The following EIF2D variants were observed in gnomAD, a reference collection of about 807,000 sequenced individuals.
EIF2D encodes the protein hepatocellular carcinoma-associated antigen 56.
Under a neutral mutation model 77.4 loss-of-function variants are expected in EIF2D, and 56 were observed. That is an observed-to-expected ratio of 0.72 (90% CI 0.58 to 0.90). The LOEUF is 0.90. Ranked by LOEUF, EIF2D falls within the 40% of genes least tolerant of loss-of-function variation. EIF2D has a pLI of 0.00. For missense variants in EIF2D, 574 were observed against 706.5 expected (o/e 0.81, Z 2.13); for synonymous variants, 230 against 271.0 (o/e 0.85, Z 1.49).
chr1:206,573,361 A>C (rs1668519725), intron 4 of EIF2D, among the ~76,000 whole-genome samples: 1 of 152,214 alleles, frequency 6.6e-6, no homozygotes, highest in Non-Finnish European at 1.5e-5. Context: ...TGTAGTGAGT[A>C]ATAGGAGTCA....
rs1668979427 is a variant in EIF2D at position 206,583,515 on chromosome 1, G to C, written c.139-2353C>G. The stretch of plus-strand genomic sequence containing the variant: ...TTTCCTCCGGCCTCCAGAGGCCTCC[G>C]GGGTCTGGAAGGCTGATAGCCAGAG... On this transcript the variant is annotated intron_variant and NMD_transcript_variant, in intron 2 of 5. Coordinates refer to the EIF2D transcript ENST00000472709. The C allele has an allele frequency of 2.1e-5, 14 of 659,124 alleles. No individual in the cohort carries two copies. In the South Asian group the frequency reaches 2.2e-4, roughly 10 times the overall value. The allele number at this position is 659,124 out of a possible 1,614,324, so 40.8% of individuals were successfully genotyped here.
downstream of EIF2D, chr1:206,587,400 A>C: frequency 3.7e-6 from 1 of 269,662 alleles, no homozygotes; most frequent in Non-Finnish European, 7.3e-6. Context: ...CAGGACCATT[A>C]TTTATGAGTG....
chr1:206,577,942 G>A (rs1295716603), intron 4 of EIF2D, among the ~76,000 whole-genome samples: 1 of 152,172 alleles, frequency 6.6e-6, no homozygotes, highest in Non-Finnish European at 1.5e-5. Context: ...AATGTAAGCA[G>A]CCAGGCGCGG....
At chr1:206,605,243 A>C (rs1670145412) in intron 5 of EIF2D, 157 bp downstream of exon 5, 2 of 524,092 alleles carry the variant, frequency 3.8e-6, no homozygotes, top group Admixed American at 3.4e-5. Context: ...CAGGGGAAAA[A>C]AATATTTTCT....
chr1:206,597,057 G>A (rs782068936), intron 12 of EIF2D, 43 bp downstream of exon 12: 85 of 1,431,906 alleles, frequency 5.9e-5, no homozygotes, highest in East Asian at 5.2e-4. Context: ...ACATTAAGGC[G>A]AGGGGATAGA....
chr1:206,611,335 G>C lies in EIF2D; in HGVS notation c.96C>G (p.Thr32=). 6.2e-7 allele frequency: 1 copy of C among 1,614,180 alleles called. No individual in the cohort carries two copies. The highest frequency in any genetic ancestry group is 8.5e-7 in the Non-Finnish European group (1 of 1,180,024). Residue 32 remains threonine (T), a synonymous_variant, in exon 2 of 15, where the codon ACC becomes ACG. Coordinates refer to ENST00000271764, the MANE Select transcript of EIF2D (RefSeq NM_006893.3). Reference sequence around the variant, plus strand: ...ACTCAGAGACTTGATCAGTTCCAAGGGTGGGGAAAGCAGTTGTCACATCAG... The same window carrying C: ...ACTCAGAGACTTGATCAGTTCCAAGCGTGGGGAAAGCAGTTGTCACATCAG... ...LRADVTTAFP[T]LGTDQVSELV...
intron 4 of EIF2D, among the ~76,000 whole-genome samples, chr1:206,606,219 C>A (rs534916275): frequency 9.9e-4 from 151 of 152,300 alleles, no homozygotes; most frequent in African/African-American, 3.5e-3. Flanking sequence ...ATACATAAGC[C>A]TGGCAAGGTA....
In EIF2D at chr1:206,593,506, A is replaced by AGTGTGTGTGCGT. The variant is rs1286437460; in HGVS notation, c.1684+112_1684+113insACGCACACACAC. The AGTGTGTGTGCGT allele has an allele frequency of 9.7e-5, 43 of 442,700 alleles. 1 individual carries two copies. In the East Asian group the frequency reaches 1.6e-3, roughly 16 times the overall value. 27.4% of individuals were successfully genotyped at this position (442,700 alleles called of 1,614,324 possible). ...GAGAGAGCGAGAGAGAGAGAGAGAG[A>AGTGTGTGTGCGT]GAGTGTGTGTGTGTGTGTGTGTGTG... On this transcript the variant is annotated intron_variant, in intron 14 of 14. Transcript: ENST00000271764.
chr1:206,606,009 A>T (rs782421273), intron 4 of EIF2D, among the ~76,000 whole-genome samples: 4 of 152,224 alleles, frequency 2.6e-5, no homozygotes, highest in Non-Finnish European at 4.4e-5. Context: ...AGTTGACTTT[A>T]TAAGAGGGGT....
chr1:206,611,096 T>A (rs1224021721), intron 2 of EIF2D, 88 bp downstream of exon 2: 1 of 1,300,880 alleles, frequency 7.7e-7, no homozygotes, highest in Non-Finnish European at 1.1e-6. Context: ...TTGCTTATTT[T>A]ATGGGAGACA....
chr1:206,584,702 C>T lies in EIF2D; in HGVS notation c.139-3540G>A, dbSNP rs781873516. The T allele has an allele frequency of 1.9e-6, 3 of 1,613,666 alleles. No individual in the cohort carries two copies. The highest frequency in any genetic ancestry group is 3.3e-5 in the Admixed American group (2 of 59,990). On this transcript the variant is annotated intron_variant and NMD_transcript_variant, in intron 2 of 5. Coordinates refer to the EIF2D transcript ENST00000472709. The surrounding 1 kb of genome is among the most constrained non-coding windows in gnomAD (Gnocchi z 4.9). ...CGGACAAGGTAGGAGAAAGAGTGAACCCAACCAGACCGTTCCCTTCCTACC... is the reference window on the plus strand; with the variant it reads ...CGGACAAGGTAGGAGAAAGAGTGAATCCAACCAGACCGTTCCCTTCCTACC...
intron 3 of EIF2D, 35 bp from the exon 4 acceptor site, chr1:206,608,361 A>T: frequency 6.4e-7 from 1 of 1,571,470 alleles, no homozygotes; most frequent in Non-Finnish European, 8.7e-7. Context: ...ACCTGCATTC[A>T]GCCTCCATCT....
chr1:206,586,974 G>A, downstream of EIF2D: 1 of 1,614,084 alleles, frequency 6.2e-7, no homozygotes, highest in Non-Finnish European at 8.5e-7. Flanking sequence ...GGCAAACCTG[G>A]GTAACCGGTC....
chr1:206,571,926 G>C (rs375356474), intron 5 of EIF2D, among the ~76,000 whole-genome samples: 42 of 152,248 alleles, frequency 2.8e-4, no homozygotes, highest in African/African-American at 9.6e-4. Flanking sequence ...TCAGAAGATT[G>C]AGTGTCACCC....
At chr1:206,611,796 A>G (rs782354824) in intron 1 of EIF2D, among the ~76,000 whole-genome samples, 20 of 152,054 alleles carry the variant, frequency 1.3e-4, no homozygotes, top group Non-Finnish European at 2.4e-4. Context: ...TCCAAACACA[A>G]TCTCCATTTG....
At chr1:206,593,504 A>AGTGTGTGTGTGTGTGTGTGT (rs1476375070) in intron 14 of EIF2D, 115 bp downstream of exon 14, 5 of 405,074 alleles carry the variant, frequency 1.2e-5, no homozygotes, top group Non-Finnish European at 1.9e-5. Context: ...AGAGAGAGAG[A>AGTGTGTGTGTGTGTGTGTGT]GAGAGTGTGT....
At chr1:206,609,843 A>G (rs1325307505) in intron 2 of EIF2D, among the ~76,000 whole-genome samples, 4 of 152,204 alleles carry the variant, frequency 2.6e-5, no homozygotes, top group African/African-American at 4.8e-5. Context: ...CTGTTTCCAT[A>G]GTGATTAGCA....
At chr1:206,603,278 C>A (rs1670020742) in intron 5 of EIF2D, 74 bp from the exon 6 acceptor site, 8 of 1,557,768 alleles carry the variant, frequency 5.1e-6, no homozygotes, top group African/African-American at 1.4e-5. Flanking sequence ...GAGGAGTCAG[C>A]AGTGAGGTCA....
intron 11 of EIF2D, 83 bp downstream of exon 11, chr1:206,598,920 C>G: frequency 7.2e-7 from 1 of 1,390,236 alleles, no homozygotes; most frequent in Non-Finnish European, 1.0e-6. Context: ...TATTCTCCCT[C>G]CCAGACATCC....
Sources: allele counts gnomAD v4.1 joint callset (sites outside exome capture counted in the v4.1 genomes callset), GRCh38; gene constraint gnomAD v4.1.1; non-coding constraint Gnocchi (gnomAD v3.1); transcripts MANE v1.5; gene names NCBI Gene and HGNC (gene_info 2026-07-23, HGNC 2026-07-21).